Variants in PHF19 observed in about 807,000 individuals in gnomAD.
PHF19 encodes the protein polycomb like 3.
In PHF19, 21 loss-of-function variants were observed where a neutral mutation model predicts 79.8. The observed-to-expected ratio is 0.26, with a 90% CI of 0.19 to 0.38. The LOEUF (loss-of-function observed/expected upper bound fraction) is 0.38, where lower values mean the gene tolerates loss of function less well. Ranked by LOEUF, PHF19 falls within the 10% of genes least tolerant of loss-of-function variation. The probability of loss-of-function intolerance (pLI) is 1.00; values close to 1 mark genes in which losing one functional copy is unlikely to be tolerated. For missense variants in PHF19, 445 were observed against 744.2 expected, an observed-to-expected ratio of 0.60 and a Z score of 4.68; for synonymous variants, 273 against 296.3, an observed-to-expected ratio of 0.92 and a Z score of 0.81.
At chr9:120,878,086 G>A (rs1299354791), upstream of PHF19, among the ~76,000 whole-genome samples, 1 of 152,140 alleles carries the variant, frequency 6.6e-6, no homozygotes, top group Non-Finnish European at 1.5e-5. Context: ...TTTAAAATAC[G>A]GGTTAAGGAT....
chr9:120,897,978 C>CAAAA (rs577932181), upstream of PHF19, among the ~76,000 whole-genome samples: 2 of 99,676 alleles, frequency 2.0e-5, no homozygotes, highest in African/African-American at 4.1e-5. Context: ...GACCCCGTCT[C>CAAAA]AAAAAAAAAA....
intron 6 of PHF19, among the ~76,000 whole-genome samples, 174 bp from the exon 7 acceptor site, chr9:120,867,139 AT>A (rs1454834742): frequency 7.9e-5 from 12 of 152,222 alleles, no homozygotes; most frequent in African/African-American, 2.9e-4. Flanking sequence ...ATATACTCTC[AT>A]TTCACCTCAC....
chr9:120,890,936 T>C (rs1174722790), intron 1 of PHF19, among the ~76,000 whole-genome samples: 1 of 152,160 alleles, frequency 6.6e-6, no homozygotes, highest in African/African-American at 2.4e-5. Context: ...TGTAGCCTCT[T>C]CTCCTACTCT....
chr9:120,894,629 CCAGGAGCCGGCG>C (rs1564521214), intron 1 of PHF19, among the ~76,000 whole-genome samples: 3 of 151,758 alleles, frequency 2.0e-5, no homozygotes, highest in African/African-American at 4.8e-5. Context: ...CGGGCGCGGG[CCAGGAGCCGGCG>C]CCTGCGAGCC....
rs1322137218 is a variant in PHF19, at chr9:120,862,497, G to C, written c.1130+91C>G. On this transcript the variant is annotated intron_variant, in intron 11 of 14. Transcript: ENST00000373896. This position sits in a 1 kb window ranked among gnomAD's most constrained non-coding sequence, Gnocchi z 4.6. Reference sequence around the variant, plus strand: ...AGCCCTCTCAGGGTCCTACAGCTGGGACTGGCTGGGTGCAGGTCCTCCTTG... The same window carrying C: ...AGCCCTCTCAGGGTCCTACAGCTGGCACTGGCTGGGTGCAGGTCCTCCTTG... The C allele has an allele frequency of 1.8e-6, 2 of 1,128,470 alleles. No homozygotes were observed. Among genetic ancestry groups the C allele is most frequent in the Non-Finnish European group, 2.6e-6 (2 of 758,684 alleles). 69.9% of individuals were successfully genotyped at this position (1,128,470 alleles called of 1,614,324 possible).
chr9:120,858,867 G>A (rs1302138203), intron 14 of PHF19, among the ~76,000 whole-genome samples: 2 of 145,418 alleles, frequency 1.4e-5, no homozygotes, highest in Non-Finnish European at 1.5e-5. Flanking sequence ...ACGGGTGTTA[G>A]AGAAATGGAC....
chr9:120,901,947 C>T, the PHF19 span, among the ~76,000 whole-genome samples: 7 of 152,126 alleles, frequency 4.6e-5, no homozygotes, highest in Non-Finnish European at 8.8e-5. Context: ...CTGGAACCTC[C>T]GGGGGCAAGG....
intron 1 of PHF19, chr9:120,875,791 A>G (rs1486417362): frequency 6.5e-6 from 1 of 152,744 alleles, no homozygotes; most frequent in Non-Finnish European, 1.5e-5. Flanking sequence ...AGGGCCACCA[A>G]TTTCCTTCCA....
Position 120,858,069 on chromosome 9 carries a change from T to C in PHF19, c.1618A>G (p.Thr540Ala). The C allele has an allele frequency of 6.2e-7, 1 of 1,614,138 alleles. No individual in the cohort carries two copies. Among genetic ancestry groups the C allele is most frequent in the Non-Finnish European group, 8.5e-7 (1 of 1,179,972 alleles). ...CGCCCAGCTGCACCAAAGTAGTTGG[T>C]GATAGATGACTTGAGGTGGGACAGG... is the stretch of plus-strand genomic sequence containing the variant. ...SSLSHLKSSITNYFGAAGRLA... is the reference protein window; with the variant it reads ...SSLSHLKSSIANYFGAAGRLA... The change falls in exon 15 of 15, where the codon ACC becomes GCC. Residue 540 changes from threonine to alanine, a missense_variant. By Grantham distance (58) the Thr-to-Ala change is moderately conservative (BLOSUM62 0). Around this residue, in one of 5 missense-constraint regions of PHF19, gnomAD observed 125 missense variants for 180.5 expected, o/e 0.69. Transcript: ENST00000373896.
Position 120,874,708 on chromosome 9 carries a change from C to T in PHF19, c.34G>A (p.Asp12Asn), listed in dbSNP as rs1165505700. The part of the protein sequence containing the change: ...ENRALDPGTR[D>N]SYGATSHLPN... ...AGGTGGCTGGTGGCACCATAGGAGT[C>T]CCGAGTCCCTGGATCCAGAGCTCGA... The change falls in exon 2 of 15, where the codon GAC (aspartate) becomes AAC (asparagine). Residue 12 changes from aspartate to asparagine, a missense_variant. Physicochemically the swap from Asp to Asn is conservative, Grantham distance 23. Coordinates refer to ENST00000373896, the MANE Select transcript of PHF19 (RefSeq NM_015651.3). This position sits in a 1 kb window ranked among gnomAD's most constrained non-coding sequence, Gnocchi z 4.5. 1 of 1,613,828 alleles carries T rather than the reference C, an allele frequency of 6.2e-7. No homozygotes were observed. Among genetic ancestry groups the T allele is most frequent in the African/African-American group, 1.3e-5 (1 of 75,020 alleles).
chr9:120,857,781 C>T lies in PHF19; in HGVS notation c.*163G>A, dbSNP rs1024411576. ...GAACAGAGCTGGTACAGCAGAGAGA[C>T]GCAGGCCTTGGCCTGGCAGGCAGGC... On this transcript the variant is annotated 3_prime_UTR_variant, in exon 15 of 15. Coordinates refer to ENST00000373896, the MANE Select transcript of PHF19 (RefSeq NM_015651.3). 1.9e-5 allele frequency: 11 copies of T among 576,310 alleles called. No individual in the cohort carries two copies. The highest frequency in any genetic ancestry group is 3.1e-5 in the Admixed American group (1 of 32,254). 35.7% of individuals were successfully genotyped at this position (576,310 alleles called of 1,614,324 possible).
upstream of PHF19, chr9:120,877,212 G>C (rs1290654437): frequency 6.1e-6 from 6 of 977,352 alleles, no homozygotes; most frequent in Non-Finnish European, 6.1e-6. Flanking sequence ...GCCGGGGTCG[G>C]GGTCTCGGCG....
rs937195798 is a variant in PHF19, at chr9:120,870,255, CTCCCAGCTT to C, written c.364+179_364+187del. Among the ~76,000 whole-genome samples, 1 of 152,228 alleles carries C rather than the reference CTCCCAGCTT, an allele frequency of 6.6e-6. No individual in the cohort carries two copies. The highest frequency in any genetic ancestry group is 2.4e-5 in the African/African-American group (1 of 41,464). Reference sequence around the variant, plus strand: ...CCCAAATTACATACACCATCATACCCTCCCAGCTTTCCCCAGGATCTCTTCCCAAGCCCT... The same window carrying C: ...CCCAAATTACATACACCATCATACCCTCCCCAGGATCTCTTCCCAAGCCCT... On this transcript the variant is annotated intron_variant, in intron 4 of 14. Coordinates refer to ENST00000373896, the MANE Select transcript of PHF19 (RefSeq NM_015651.3). This position sits in a 1 kb window ranked among gnomAD's most constrained non-coding sequence, Gnocchi z 4.4.
intron 1 of PHF19, among the ~76,000 whole-genome samples, chr9:120,884,526 A>G (rs1271580186): frequency 6.6e-6 from 1 of 152,216 alleles, no homozygotes; most frequent in Admixed American, 6.5e-5. Context: ...AGCAAATAAG[A>G]AGATAGTGGA....
chr9:120,868,850 G>A (rs868151369), intron 6 of PHF19: 3 of 1,049,776 alleles, frequency 2.9e-6, no homozygotes, highest in South Asian at 8.0e-5. Context: ...CGCCAGGCCC[G>A]CCTCCCGAGG....
rs1353775640 is a variant in PHF19, at chr9:120,891,988, C to T, written c.42+2800G>A. Among the ~76,000 whole-genome samples the T allele has an allele frequency of 6.6e-6, 1 of 152,154 alleles. No homozygotes were observed. The highest frequency in any genetic ancestry group is 2.4e-5 in the African/African-American group (1 of 41,418). ...GAAAGTTCAAAGCAAAGAAAGGCCT[C>T]CAGGGGACCATGCGGGGACTGGAAA... is the stretch of plus-strand genomic sequence containing the variant. On this transcript the variant is annotated intron_variant, in intron 1 of 14. Transcript: ENST00000616568. The surrounding 1 kb of genome is among the most constrained non-coding windows in gnomAD (Gnocchi z 4.3).
intron 1 of PHF19, among the ~76,000 whole-genome samples, chr9:120,886,106 A>G (rs1372441645): frequency 1.3e-5 from 2 of 152,208 alleles, no homozygotes; most frequent in African/African-American, 2.4e-5. Context: ...CAAGATTACA[A>G]TTCAAAGTCC....
rs772172704 is a variant in PHF19, at chr9:120,866,135, G to A, written c.711-39C>T. The stretch of plus-strand genomic sequence containing the variant: ...GAGACGGGGGCCTATGGTGGGAGGG[G>A]CTCTGACACCCCCACCCCAGTCCAG... On this transcript the variant is annotated intron_variant, in intron 7 of 14. Transcript: ENST00000373896. The surrounding 1 kb of genome is among the most constrained non-coding windows in gnomAD (Gnocchi z 5.2). The A allele has an allele frequency of 7.0e-6, 10 of 1,424,718 alleles. No homozygotes were observed. Among genetic ancestry groups the A allele is most frequent in the African/African-American group, 1.4e-5 (1 of 70,882 alleles). 88.3% of individuals were successfully genotyped at this position (1,424,718 alleles called of 1,614,324 possible).
intron 1 of PHF19, among the ~76,000 whole-genome samples, chr9:120,892,283 G>T (rs1353405219): frequency 1.3e-5 from 2 of 152,040 alleles, no homozygotes; most frequent in African/African-American, 4.8e-5. Context: ...GCCTTGTCTC[G>T]GCTCTCTCTT....
Sources: gnomAD v4.1 joint callset for allele counts (sites outside exome capture counted in the v4.1 genomes callset) on GRCh38, gnomAD v4.1.1 for gene constraint, gnomAD v4.1.1 regional missense constraint, Gnocchi (gnomAD v3.1) non-coding constraint, MANE v1.5 for transcripts, NCBI Gene and HGNC (gene_info 2026-07-23, HGNC 2026-07-21) for gene names.